The following MACROD2 variants were observed in gnomAD, a reference collection of about 807,000 sequenced individuals.
MACROD2 encodes ADP-ribose glycohydrolase MACROD2.
A neutral mutation model predicts 70.4 loss-of-function variants in MACROD2; 36 were observed. The ratio of observed to expected loss-of-function variants is 0.51; its 90% CI spans 0.39 to 0.68. The LOEUF is 0.68. Ranked by LOEUF, MACROD2 falls within the 30% of genes least tolerant of loss-of-function variation. The pLI, the probability that MACROD2 is intolerant of heterozygous loss-of-function variation, is 0.00. For synonymous variants in MACROD2, 172 were observed against 178.8 expected (o/e 0.96, Z 0.30); for missense variants, 496 against 538.4 (o/e 0.92, Z 0.78).
rs1234717383 is a variant in MACROD2 at position 14,862,596 on chromosome 20, TATAA to T, written c.418+177641_418+177644del. ...ATAAATATATATGTATAAATATATA[TATAA>T]ATATAAATATATATAAATATATATA... On this transcript the variant is annotated intron_variant, in intron 5 of 17. Coordinates refer to ENST00000684519, the MANE Select transcript of MACROD2 (RefSeq NM_001351661.2). Among the ~76,000 whole-genome samples the T allele has an allele frequency of 7.8e-5, 3 of 38,478 alleles. 1 individual carries two copies. The highest frequency in any genetic ancestry group is 1.2e-4 in the African/African-American group (1 of 8,392). The allele number at this position is 38,478 out of a possible 152,430, so 25.2% of individuals were successfully genotyped here. A position where few individuals can be genotyped will look rare whatever the true frequency, so the allele number is the denominator to read the frequency against.
chr20:15,641,137 C>G (rs56359279), intron 8 of MACROD2, among the ~76,000 whole-genome samples: 1 of 152,218 alleles, frequency 6.6e-6, no homozygotes, highest in Admixed American at 6.5e-5. Context: ...AGGGCTCTTT[C>G]TTATTTTTCT....
chr20:14,832,428 G>T (rs933450481), intron 5 of MACROD2, among the ~76,000 whole-genome samples: 1 of 151,894 alleles, frequency 6.6e-6, no homozygotes, highest in Non-Finnish European at 1.5e-5. Flanking sequence ...GAGCAGGTGC[G>T]CTAAGGTATG....
rs1390133697 is a variant in MACROD2 at position 14,613,437 on chromosome 20, G to A, written c.302-71406G>A. Among the ~76,000 whole-genome samples the A allele has an allele frequency of 5.9e-5, 9 of 152,184 alleles. No individual in the cohort carries two copies. In the South Asian group the frequency reaches 1.7e-3, roughly 28 times the overall value. ...TATGGGGAGCAACAGAAGGTAACAGGAATGATTGAGAGGGAGACAAAGAGA... is the reference window on the plus strand; with the variant it reads ...TATGGGGAGCAACAGAAGGTAACAGAAATGATTGAGAGGGAGACAAAGAGA... On this transcript the variant is annotated intron_variant, in intron 4 of 17. Transcript: ENST00000684519.
intron 4 of MACROD2, among the ~76,000 whole-genome samples, chr20:14,496,772 T>C (rs1453584421): frequency 6.6e-6 from 1 of 151,760 alleles, no homozygotes; most frequent in Non-Finnish European, 1.5e-5. Flanking sequence ...AGTTATGTAC[T>C]AATTTCTTAA....
intron 4 of MACROD2, among the ~76,000 whole-genome samples, chr20:14,553,110 T>C (rs963848153): frequency 6.6e-6 from 1 of 151,926 alleles, no homozygotes; most frequent in Admixed American, 6.6e-5. Context: ...ACAAATACAT[T>C]GTACAGTTGT....
chr20:14,918,267 G>C (rs540778138), intron 5 of MACROD2, among the ~76,000 whole-genome samples: 1 of 152,216 alleles, frequency 6.6e-6, no homozygotes, highest in East Asian at 1.9e-4. Context: ...TGAGCAACTG[G>C]ACTAGAAAAG....
chr20:14,131,828 T>A (rs970694679), intron 3 of MACROD2, among the ~76,000 whole-genome samples: 1 of 151,956 alleles, frequency 6.6e-6, no homozygotes, highest in Non-Finnish European at 1.5e-5. Flanking sequence ...TAAGAGATTC[T>A]CTTACGGTTT....
intron 5 of MACROD2, among the ~76,000 whole-genome samples, chr20:15,188,563 A>T (rs2076548840): frequency 6.6e-6 from 1 of 152,170 alleles, no homozygotes; most frequent in Admixed American, 6.5e-5. Flanking sequence ...TCTTCTCTTC[A>T]TACTTTTCAA....
At chr20:14,937,044 A>G (rs1327348347) in intron 5 of MACROD2, among the ~76,000 whole-genome samples, 1 of 152,202 alleles carries the variant, frequency 6.6e-6, no homozygotes, top group African/African-American at 2.4e-5. Context: ...AGGTAAATAC[A>G]TTGGAAACAA....
At chr20:14,898,452 G>T (rs1428350804) in intron 5 of MACROD2, among the ~76,000 whole-genome samples, 1 of 152,162 alleles carries the variant, frequency 6.6e-6, no homozygotes, top group African/African-American at 2.4e-5. Context: ...AAATAGGCCA[G>T]GTGCCGTGGC....
chr20:14,051,658 A>G (rs1278090855), intron 2 of MACROD2: 5 of 335,860 alleles, frequency 1.5e-5, no homozygotes, highest in Non-Finnish European at 2.9e-5. Context: ...GGAATGAGTC[A>G]GCATATAAAT....
intron 8 of MACROD2, among the ~76,000 whole-genome samples, chr20:15,801,200 A>AAAAAAAAG (rs749268333): frequency 7.3e-6 from 1 of 137,820 alleles, no homozygotes; most frequent in Non-Finnish European, 1.5e-5. Context: ...AAAAAAAAAA[A>AAAAAAAAG]AAAACGAAAA....
At position 15,957,117 on chromosome 20, in the gene MACROD2, TG is replaced by T. The variant is rs571966135; in HGVS notation, c.908-10434del. 8.4e-4 allele frequency among the ~76,000 whole-genome samples: 127 copies of T among 151,828 alleles called. 1 individual carries two copies. Among genetic ancestry groups the T allele is most frequent in the South Asian group, 1.7e-3 (8 of 4,788 alleles). On this transcript the variant is annotated intron_variant, in intron 12 of 17. Coordinates refer to ENST00000684519, the MANE Select transcript of MACROD2 (RefSeq NM_001351661.2). ...TTATAGATGCTGTTGAGAGTTAGAGTGGTGATGATTAGAGTGAGGGTAGTGG... is the reference window on the plus strand; with the variant it reads ...TTATAGATGCTGTTGAGAGTTAGAGTGTGATGATTAGAGTGAGGGTAGTGG...
chr20:14,030,610 GT>G (rs1326773393), intron 2 of MACROD2, among the ~76,000 whole-genome samples: 1 of 151,648 alleles, frequency 6.6e-6, no homozygotes, highest in Non-Finnish European at 1.5e-5. Context: ...GAGTTTTCCA[GT>G]GTTGGCCAGG....
At chr20:16,016,572 G>A (rs192161408) in intron 15 of MACROD2, among the ~76,000 whole-genome samples, 102 of 152,136 alleles carry the variant, frequency 6.7e-4, no homozygotes, top group African/African-American at 2.3e-3. Context: ...GTTTACTCTT[G>A]TTGCCCAGGC....
In MACROD2 at chr20:15,454,848, A is replaced by G. The variant is rs558343396; in HGVS notation, c.571+23413A>G. ...CCATTTCGCATACTTTGAACTGTGG[A>G]GCTGACCTAGCTGTGGAGAGGAATT... On this transcript the variant is annotated intron_variant, in intron 7 of 17. Transcript: ENST00000684519. Among the ~76,000 whole-genome samples, 3 of 152,184 alleles carry G rather than the reference A, an allele frequency of 2.0e-5. No individual in the cohort carries two copies. In the South Asian group the frequency reaches 6.2e-4, roughly 32 times the overall value.
At chr20:14,912,709 T>G (rs2074042558) in intron 5 of MACROD2, among the ~76,000 whole-genome samples, 1 of 152,184 alleles carries the variant, frequency 6.6e-6, no homozygotes, top group Non-Finnish European at 1.5e-5. Context: ...TTATGTCGTC[T>G]TCAAGAGCTG....
At chr20:14,890,985 T>TC (rs2073750566) in intron 5 of MACROD2, among the ~76,000 whole-genome samples, 1 of 92,670 alleles carries the variant, frequency 1.1e-5, no homozygotes, top group Non-Finnish European at 2.3e-5. Context: ...CTTCCTTCCT[T>TC]CCTTCCTCCC....
chr20:15,407,715 T>C (rs6043262), intron 6 of MACROD2, among the ~76,000 whole-genome samples: 12,135 of 152,186 alleles, frequency 0.08, 1,499 homozygotes, highest in African/African-American at 0.27. Flanking sequence ...GAGTACCTAT[T>C]TGATGGGCTT....
Sources: gnomAD v4.1 joint callset for allele counts (sites outside exome capture counted in the v4.1 genomes callset) on GRCh38, gnomAD v4.1.1 for gene constraint, MANE v1.5 for transcripts, NCBI Gene and HGNC (gene_info 2026-07-23, HGNC 2026-07-21) for gene names.